The following APC variants were observed in gnomAD, a reference collection of about 807,000 sequenced individuals.
APC encodes the protein APC regulator of Wnt signaling pathway, also known as adenomatous polyposis coli protein.
APC carries 72 observed loss-of-function variants against 247.0 expected under a neutral mutation model. The ratio of observed to expected loss-of-function variants is 0.29; its 90% CI spans 0.24 to 0.35. The LOEUF (loss-of-function observed/expected upper bound fraction) is 0.35. Among genes scored for constraint, APC ranks in the 10% least tolerant of loss-of-function variants. APC has a pLI of 1.00. For synonymous variants in APC, 1,254 were observed against 1,162.5 expected (o/e 1.08, Z -1.60); for missense variants, 3,400 against 3,360.7 (o/e 1.01, Z -0.29).
chr5:112,846,225 A>G lies in APC; in HGVS notation c.*2099A>G. The G allele has an allele frequency of 4.4e-6, 1 of 229,390 alleles. No individual in the cohort carries two copies. Among genetic ancestry groups the G allele is most frequent in the East Asian group, 6.2e-5 (1 of 16,072 alleles). 14.2% of individuals were successfully genotyped at this position (229,390 alleles called of 1,614,324 possible). A position where few individuals can be genotyped will look rare whatever the true frequency, so the allele number is the denominator to read the frequency against. On this transcript the variant is annotated 3_prime_UTR_variant, in exon 16 of 16. Coordinates refer to ENST00000257430, the MANE Select transcript of APC (RefSeq NM_000038.6). ...TTGTTTTCCCAGGCTTCCATAAACA[A>G]TGGAGATACATGCATATAGGTCATA...
rs2149902681 is a variant in APC at position 112,839,544 on chromosome 5, A to G, written c.3950A>G (p.Glu1317Gly). 1 of 1,614,184 alleles carries G rather than the reference A, an allele frequency of 6.2e-7. No individual in the cohort carries two copies. The highest frequency in any genetic ancestry group is 1.1e-5 in the South Asian group (1 of 91,078). The change falls in exon 16 of 16, where the codon GAA becomes GGA. Residue 1317 changes from glutamate (E) to glycine (G), a missense_variant. This residue lies in a region of APC where 715 missense variants were observed against 656.6 expected (regional missense o/e 1.09). Coordinates refer to ENST00000257430, the MANE Select transcript of APC (RefSeq NM_000038.6). This position sits in a 1 kb window ranked among gnomAD's most constrained non-coding sequence, Gnocchi z 5.0. ...GAAAAGATTGGAACTAGGTCAGCTG[A>G]AGATCCTGTGAGCGAAGTTCCAGCA... ...IKEKIGTRSA[E>G]DPVSEVPAVS...
chr5:112,829,385 C>G (rs1764078645), intron 14 of APC: 1 of 189,256 alleles, frequency 5.3e-6, no homozygotes, highest in East Asian at 1.4e-4. Flanking sequence ...ATCTGCCCAA[C>G]TCGGCCTCCC....
chr5:112,789,739 TA>T (rs1759361667), intron 6 of APC, among the ~76,000 whole-genome samples: 1 of 152,214 alleles, frequency 6.6e-6, no homozygotes, highest in Admixed American at 6.5e-5. Flanking sequence ...GCCACCTGGT[TA>T]TGGAAATGAT....
chr5:112,754,054 T>A (rs1229263073), intron 1 of APC, among the ~76,000 whole-genome samples: 1 of 152,198 alleles, frequency 6.6e-6, no homozygotes, highest in East Asian at 1.9e-4. Context: ...GTCTCTCCTC[T>A]TCTTTCCCAG....
At chr5:112,714,683 A>G (rs1313863106) in intron 1 of APC, among the ~76,000 whole-genome samples, 1 of 152,198 alleles carries the variant, frequency 6.6e-6, no homozygotes, top group Non-Finnish European at 1.5e-5. Context: ...TTTTACAAGT[A>G]TTTATTTAGT....
chr5:112,744,586 G>A (rs1202257819), intron 1 of APC, among the ~76,000 whole-genome samples: 1 of 152,170 alleles, frequency 6.6e-6, no homozygotes, highest in Non-Finnish European at 1.5e-5. Context: ...AGAGACATCA[G>A]GAAGGTTTTG....
intron 1 of APC, among the ~76,000 whole-genome samples, chr5:112,750,528 T>A (rs1754234605): frequency 6.6e-6 from 1 of 152,162 alleles, no homozygotes; most frequent in African/African-American, 2.4e-5. Context: ...CATTTTTACA[T>A]CAGCCTCATT....
rs145502195 is a variant in APC, at chr5:112,771,432, T to A, written c.422+4042T>A. Among the ~76,000 whole-genome samples, 94 of 152,292 alleles carry A rather than the reference T, an allele frequency of 6.2e-4. 1 individual carries two copies. The East Asian group carries it at 0.016, about 27-fold the overall frequency. ...TGTCATTATGCTTCCCATTTAGGTC[T>A]AATATGTTTGGGTGTTCTTGACTCT... On this transcript the variant is annotated intron_variant, in intron 4 of 15. Transcript: ENST00000257430.
At chr5:112,708,207 C>T (rs183763262) in intron 1 of APC, among the ~76,000 whole-genome samples, 29 of 152,316 alleles carry the variant, frequency 1.9e-4, no homozygotes, top group Admixed American at 1.6e-3. Flanking sequence ...TTAGTCGCTT[C>T]CCCATCTTCC....
At chr5:112,803,510 C>G (rs957474159) in intron 8 of APC, among the ~76,000 whole-genome samples, 1 of 152,158 alleles carries the variant, frequency 6.6e-6, no homozygotes, top group Non-Finnish European at 1.5e-5. Context: ...TTAGTGTTTC[C>G]TCTTTAGTAA....
chr5:112,814,229 G>C (rs575575567), intron 8 of APC, among the ~76,000 whole-genome samples: 5 of 152,234 alleles, frequency 3.3e-5, no homozygotes, highest in Admixed American at 6.5e-5. Flanking sequence ...TTAATGAATG[G>C]ATTTAGCTGT....
At position 112,751,177 on chromosome 5, in the gene APC, C is replaced by T. The variant is rs11950612; in HGVS notation, c.-18-3696C>T. Among the ~76,000 whole-genome samples, 14,594 of 151,828 alleles carry T rather than the reference C, an allele frequency of 0.096. 1,539 individuals are homozygous for T. The highest frequency in any genetic ancestry group is 0.26 in the African/African-American group (10,766 of 41,394). The stretch of plus-strand genomic sequence containing the variant: ...TTTCTATATACCTTTTACAGATTCC[C>T]CAGATGATTAACATCTTATATATCT... On this transcript the variant is annotated intron_variant, in intron 1 of 15. Transcript: ENST00000257430.
rs878853441 is a variant in APC at position 112,839,337 on chromosome 5, C to T, written c.3743C>T (p.Thr1248Ile). Residue 1248 changes from threonine to isoleucine, a missense_variant, in exon 16 of 16, where the codon ACT becomes ATT. By Grantham distance (89) the Thr-to-Ile change is moderately conservative (BLOSUM62 -1). Transcript: ENST00000257430. The surrounding 1 kb of genome is among the most constrained non-coding windows in gnomAD (Gnocchi z 5.0). Reference sequence around the variant, plus strand: ...AGTGGTCAGCCTCAAAAGGCTGCCACTTGCAAAGTTTCTTCTATTAACCAA... The same window carrying T: ...AGTGGTCAGCCTCAAAAGGCTGCCATTTGCAAAGTTTCTTCTATTAACCAA... ...SRSGQPQKAA[T>I]CKVSSINQET... 4 of 1,613,054 alleles carry T rather than the reference C, an allele frequency of 2.5e-6. No individual in the cohort carries two copies. The highest frequency in any genetic ancestry group is 3.4e-6 in the Non-Finnish European group (4 of 1,179,582).
chr5:112,839,113 G>A lies in APC; in HGVS notation c.3519G>A (p.Val1173=), dbSNP rs1389200638. 1 of 1,614,088 alleles carries A rather than the reference G, an allele frequency of 6.2e-7. No homozygotes were observed. The highest frequency in any genetic ancestry group is 1.7e-5 in the Admixed American group (1 of 60,028). Residue 1173 remains valine (V), a synonymous_variant, in exon 16 of 16, where the codon GTG becomes GTA. Transcript: ENST00000257430. This position sits in a 1 kb window ranked among gnomAD's most constrained non-coding sequence, Gnocchi z 5.0. Reference sequence around the variant, plus strand: ...AATATAATGAAGAGAAACGTCATGTGGATCAGCCTATTGATTATAGTTTAA... The same window carrying A: ...AATATAATGAAGAGAAACGTCATGTAGATCAGCCTATTGATTATAGTTTAA... ...SIKYNEEKRH[V]DQPIDYSLKY...
At chr5:112,807,929 C>G (rs570290134) in intron 8 of APC, among the ~76,000 whole-genome samples, 1 of 152,036 alleles carries the variant, frequency 6.6e-6, no homozygotes, top group East Asian at 1.9e-4. Context: ...CCGGGGTGAG[C>G]GGATCACTTG....
chr5:112,769,403 A>G (rs1756770994), intron 4 of APC, among the ~76,000 whole-genome samples: 2 of 152,152 alleles, frequency 1.3e-5, no homozygotes, highest in Non-Finnish European at 2.9e-5. Context: ...AAATTGCTTG[A>G]TGTATGGAAT....
At chr5:112,715,666 T>G (rs1751129762) in intron 1 of APC, among the ~76,000 whole-genome samples, 1 of 152,150 alleles carries the variant, frequency 6.6e-6, no homozygotes, top group Non-Finnish European at 1.5e-5. Flanking sequence ...AATTTGGTAT[T>G]TATTTGTACA....
intron 6 of APC, among the ~76,000 whole-genome samples, chr5:112,790,609 G>A (rs1053536969): frequency 1.1e-4 from 16 of 152,258 alleles, no homozygotes; most frequent in Non-Finnish European, 2.4e-4. Context: ...GATTGCAGGC[G>A]TGAGCCACCG....
intron 8 of APC, among the ~76,000 whole-genome samples, chr5:112,808,467 GT>G (rs1041397374): frequency 6.6e-6 from 1 of 151,466 alleles, no homozygotes; most frequent in African/African-American, 2.4e-5. Context: ...TTTTGTTTTT[GT>G]TTTTTTAGTC....
Sources: gnomAD v4.1 joint callset for allele counts (sites outside exome capture counted in the v4.1 genomes callset) on GRCh38, gnomAD v4.1.1 for gene constraint, gnomAD v4.1.1 regional missense constraint, Gnocchi (gnomAD v3.1) non-coding constraint, MANE v1.5 for transcripts, NCBI Gene and HGNC (gene_info 2026-07-23, HGNC 2026-07-21) for gene names.